The following UBE2E3 variants were observed in gnomAD, a reference collection of about 807,000 sequenced individuals.
UBE2E3 encodes ubiquitin conjugating enzyme E2 E3, also known as ubiquitin-conjugating enzyme E2 E3.
UBE2E3 carries 5 observed loss-of-function variants against 23.6 expected under a neutral mutation model. That is an observed-to-expected ratio of 0.21 (90% CI 0.11 to 0.44). UBE2E3 has a LOEUF of 0.44. Among genes scored for constraint, UBE2E3 ranks in the 20% least tolerant of loss-of-function variants. The pLI is 0.99. For missense variants in UBE2E3, 81 were observed against 249.8 expected, an observed-to-expected ratio of 0.32 and a Z score of 4.55; for synonymous variants, 78 against 87.5, an observed-to-expected ratio of 0.89 and a Z score of 0.60.
At chr2:181,007,061 T>C (rs1518454) in intron 3 of UBE2E3, among the ~76,000 whole-genome samples, 2,316 of 152,298 alleles carry the variant, frequency 0.015, 62 homozygotes, top group African/African-American at 0.053. Context: ...TCAGGTCTCT[T>C]TCATCTCCCA....
chr2:181,055,062 A>G (rs1342015640), intron 3 of UBE2E3, among the ~76,000 whole-genome samples: 1 of 151,746 alleles, frequency 6.6e-6, no homozygotes, highest in Non-Finnish European at 1.5e-5. Context: ...TGATGAGGTC[A>G]TTGGTGACTT....
At chr2:181,041,779 T>G (rs191387852) in intron 3 of UBE2E3, among the ~76,000 whole-genome samples, 1 of 152,260 alleles carries the variant, frequency 6.6e-6, no homozygotes, top group Non-Finnish European at 1.5e-5. Context: ...AGAATTATAT[T>G]TTTGGCCAGT....
intron 3 of UBE2E3, among the ~76,000 whole-genome samples, chr2:181,006,137 G>A (rs1685141656): frequency 6.6e-6 from 1 of 152,178 alleles, no homozygotes; most frequent in African/African-American, 2.4e-5. Flanking sequence ...AGGCAGAACT[G>A]GAGAGGGTAA....
intron 3 of UBE2E3, among the ~76,000 whole-genome samples, chr2:180,994,762 A>G (rs1684775662): frequency 1.3e-5 from 2 of 152,210 alleles, no homozygotes; most frequent in East Asian, 3.8e-4. Flanking sequence ...GCCTAGAAAT[A>G]GTGAAAATAT....
rs145776748 is a variant in UBE2E3 at position 181,015,990 on chromosome 2, T to C, written c.245+31897T>C. Among the ~76,000 whole-genome samples, 472 of 104,908 alleles carry C rather than the reference T, an allele frequency of 4.5e-3. 12 individuals are homozygous for C. In the Middle Eastern group the frequency reaches 0.048, roughly 11 times the overall value. The allele number at this position is 104,908 out of a possible 152,430, so 68.8% of individuals were successfully genotyped here. A position where few individuals can be genotyped will look rare whatever the true frequency, so the allele number is the denominator to read the frequency against. On this transcript the variant is annotated intron_variant, in intron 3 of 5. Coordinates refer to ENST00000410062, the MANE Select transcript of UBE2E3 (RefSeq NM_006357.4). The stretch of plus-strand genomic sequence containing the variant: ...GCAATGAGAATGAGTCCAGAGTAAT[T>C]AGCCATGAAGATTAAAATTTGTTCA...
intron 3 of UBE2E3, among the ~76,000 whole-genome samples, chr2:181,020,178 G>A (rs1685631294): frequency 1.3e-5 from 2 of 151,982 alleles, no homozygotes; most frequent in African/African-American, 4.8e-5. Context: ...CAAATCTAGA[G>A]GCTAGTTCTC....
intron 3 of UBE2E3, among the ~76,000 whole-genome samples, chr2:181,027,535 A>T (rs1050520642): frequency 2.6e-5 from 4 of 151,992 alleles, no homozygotes; most frequent in Non-Finnish European, 5.9e-5. Context: ...GTATTTATTT[A>T]TGGGTAGTTT....
intron 3 of UBE2E3, among the ~76,000 whole-genome samples, chr2:180,996,836 T>C (rs1684835105): frequency 6.6e-6 from 1 of 152,222 alleles, no homozygotes; most frequent in Admixed American, 6.5e-5. Flanking sequence ...TACATTTGTG[T>C]GATTTTTACT....
At chr2:180,994,196 C>G (rs1684759283) in intron 3 of UBE2E3, among the ~76,000 whole-genome samples, 1 of 152,102 alleles carries the variant, frequency 6.6e-6, no homozygotes, top group African/African-American at 2.4e-5. Flanking sequence ...TACTCATTTT[C>G]TTCTTTTGAA....
chr2:181,022,421 C>T (rs1007918434), intron 3 of UBE2E3, among the ~76,000 whole-genome samples: 1 of 151,650 alleles, frequency 6.6e-6, no homozygotes, highest in Non-Finnish European at 1.5e-5. Flanking sequence ...AAAAGATTAT[C>T]TTTTTTTGAT....
At chr2:181,036,782 A>G (rs1376508268) in intron 3 of UBE2E3, among the ~76,000 whole-genome samples, 7 of 152,192 alleles carry the variant, frequency 4.6e-5, no homozygotes, top group Non-Finnish European at 5.9e-5. Flanking sequence ...ATTTATTTCA[A>G]TGCTTGATAT....
intron 3 of UBE2E3, among the ~76,000 whole-genome samples, chr2:180,986,454 G>A (rs1164820543): frequency 6.6e-5 from 10 of 152,018 alleles, no homozygotes; most frequent in Admixed American, 2.6e-4. Context: ...TTAGAACTTT[G>A]ACAAATAAAA....
chr2:180,982,525 A>G (rs964210129), intron 2 of UBE2E3, among the ~76,000 whole-genome samples: 1 of 152,146 alleles, frequency 6.6e-6, no homozygotes, highest in Admixed American at 6.5e-5. Flanking sequence ...GGCAAGGAAA[A>G]TTTGGTGAAC....
At chr2:181,039,784 G>C (rs751756250) in intron 3 of UBE2E3, among the ~76,000 whole-genome samples, 1 of 152,080 alleles carries the variant, frequency 6.6e-6, no homozygotes, top group Non-Finnish European at 1.5e-5. Context: ...GATTGGTTCT[G>C]GGACTTCCAC....
intron 3 of UBE2E3, among the ~76,000 whole-genome samples, chr2:181,043,410 A>G (rs73974721): frequency 0.018 from 2,736 of 152,284 alleles, 66 homozygotes; most frequent in African/African-American, 0.062. Context: ...CATGCACAAA[A>G]TTATTTAAAA....
At position 181,016,134 on chromosome 2, in the gene UBE2E3, G is replaced by A. The variant is rs141958711; in HGVS notation, c.245+32041G>A. On this transcript the variant is annotated intron_variant, in intron 3 of 5. Transcript: ENST00000410062. ...TACTAGTGAACAATGTAGTGGGCCC[G>A]GTTTCAAATAACTGAATTTTAACCC... 3.0e-3 allele frequency among the ~76,000 whole-genome samples: 454 copies of A among 152,044 alleles called. 1 individual carries two copies. Among genetic ancestry groups the A allele is most frequent in the African/African-American group, 0.01 (427 of 41,508 alleles).
intron 3 of UBE2E3, among the ~76,000 whole-genome samples, chr2:181,021,594 C>T (rs1027286916): frequency 2.7e-3 from 252 of 91,742 alleles, no homozygotes; most frequent in East Asian, 0.011. Flanking sequence ...CTTCCTTCCT[C>T]CCTCCCTTCC....
intron 3 of UBE2E3, among the ~76,000 whole-genome samples, chr2:181,009,295 A>G (rs1042176239): frequency 1.3e-5 from 2 of 152,094 alleles, no homozygotes; most frequent in Non-Finnish European, 2.9e-5. Context: ...CTTTTATACT[A>G]TTTATCTATA....
chr2:181,020,740 A>G (rs1448071133), intron 3 of UBE2E3, among the ~76,000 whole-genome samples: 2 of 152,206 alleles, frequency 1.3e-5, no homozygotes, highest in African/African-American at 4.8e-5. Flanking sequence ...AAAAAGGTAA[A>G]TGGTTAAAGT....
Sources: allele counts gnomAD v4.1 joint callset (sites outside exome capture counted in the v4.1 genomes callset), GRCh38; gene constraint gnomAD v4.1.1; transcripts MANE v1.5; gene names NCBI Gene and HGNC (gene_info 2026-07-23, HGNC 2026-07-21).